ITSN1: variants seen among roughly 807,000 people sequenced by gnomAD.
ITSN1 encodes the protein intersectin-1.
In ITSN1, 58 loss-of-function variants were observed where a neutral mutation model predicts 239.8. That is an observed-to-expected ratio of 0.24 (90% CI 0.20 to 0.30). ITSN1 has a LOEUF of 0.30. Ranked by LOEUF, ITSN1 falls within the 10% of genes least tolerant of loss-of-function variation. ITSN1 has a pLI of 1.00. For missense variants in ITSN1, 1,558 were observed against 2,103.3 expected (o/e 0.74, Z 5.07); for synonymous variants, 780 against 770.8 (o/e 1.01, Z -0.20).
At chr21:33,815,906 G>T (rs1418310872) in intron 22 of ITSN1, among the ~76,000 whole-genome samples, 1 of 152,032 alleles carries the variant, frequency 6.6e-6, no homozygotes, top group African/African-American at 2.4e-5. Context: ...ATGAAGAATT[G>T]GGCCGGCGCG....
intron 1 of ITSN1, among the ~76,000 whole-genome samples, chr21:33,710,350 G>A (rs1351560160): frequency 2.6e-5 from 4 of 151,846 alleles, no homozygotes; most frequent in Admixed American, 6.6e-5. Flanking sequence ...GATTACAGGC[G>A]TGAGCCACCA....
intron 1 of ITSN1, among the ~76,000 whole-genome samples, chr21:33,700,986 TG>T (rs2091983578): frequency 6.7e-6 from 1 of 150,080 alleles, no homozygotes; most frequent in Non-Finnish European, 1.5e-5. Flanking sequence ...TGTGTGTGTG[TG>T]TGTTTTCTTA....
At chr21:33,874,250 G>C (rs1035759526) in intron 33 of ITSN1, among the ~76,000 whole-genome samples, 1 of 150,860 alleles carries the variant, frequency 6.6e-6, no homozygotes, top group Non-Finnish European at 1.5e-5. Context: ...AGGAGGTCCA[G>C]CTCCGGAGCT....
At position 33,698,339 on chromosome 21, in the gene ITSN1, C is replaced by G. The variant is rs139322914; in HGVS notation, c.-32-20458C>G. ...GTGTCTCCTTTTCACCTCCCATCCC[C>G]TGCTGCCACTCCCCCCTAACAACAA... On this transcript the variant is annotated intron_variant, in intron 1 of 39. Transcript: ENST00000381318. Among the ~76,000 whole-genome samples, 110 of 152,294 alleles carry G rather than the reference C, an allele frequency of 7.2e-4. 3 individuals are homozygous for G. The East Asian group carries it at 0.02, about 28-fold the overall frequency.
rs1360956818 is a variant in ITSN1, at chr21:33,895,282, CGT to C, written c.*6983_*6984del. On this transcript the variant is annotated 3_prime_UTR_variant, in exon 40 of 40. Transcript: ENST00000381318. ...GGAGGAGGCCCTGCTCCCCAGCAAGCGTTCTAGGAGTTACGGTGTGCTCTATT... is the reference window on the plus strand; with the variant it reads ...GGAGGAGGCCCTGCTCCCCAGCAAGCTCTAGGAGTTACGGTGTGCTCTATT... 3 of 152,246 alleles carry C rather than the reference CGT, an allele frequency of 2.0e-5. No individual in the cohort carries two copies. Among genetic ancestry groups the C allele is most frequent in the Admixed American group, 6.5e-5 (1 of 15,284 alleles). The allele number at this position is 152,246 out of a possible 1,614,324, so 9.4% of individuals were successfully genotyped here. A position where few individuals can be genotyped will look rare whatever the true frequency, so the allele number is the denominator to read the frequency against.
At chr21:33,762,038 T>G (rs758281317) in intron 9 of ITSN1, 52 bp downstream of exon 9, 3 of 1,312,262 alleles carry the variant, frequency 2.3e-6, no homozygotes, top group Non-Finnish European at 3.3e-6. Context: ...TTGGTTAGAT[T>G]GGTGTGGCCT....
chr21:33,734,917 T>C, intron 4 of ITSN1, 127 bp from the exon 5 acceptor site: 2 of 663,468 alleles, frequency 3.0e-6, no homozygotes, highest in Non-Finnish European at 4.8e-6. Flanking sequence ...TAAACAGTTA[T>C]GTTTTCTGTT....
intron 4 of ITSN1, among the ~76,000 whole-genome samples, chr21:33,726,648 A>T (rs1412303218): frequency 1.3e-5 from 2 of 151,872 alleles, no homozygotes; most frequent in African/African-American, 4.8e-5. Flanking sequence ...CAGCCTCCTG[A>T]GTAGCTGAGT....
intron 4 of ITSN1, among the ~76,000 whole-genome samples, chr21:33,727,607 C>CAAA (rs201596116): frequency 1.3e-4 from 9 of 69,756 alleles, no homozygotes; most frequent in African/African-American, 4.1e-4. Context: ...TAAACTCATA[C>CAAA]AAAAAAAAAA....
intron 17 of ITSN1, among the ~76,000 whole-genome samples, chr21:33,796,978 G>A (rs1035673898): frequency 2.6e-5 from 4 of 152,104 alleles, no homozygotes; most frequent in African/African-American, 9.7e-5. Flanking sequence ...CTTCAGGTTT[G>A]GGGAGCAATG....
At chr21:33,743,191 C>T (rs1387838986) in intron 5 of ITSN1, among the ~76,000 whole-genome samples, 3 of 152,302 alleles carry the variant, frequency 2.0e-5, no homozygotes, top group South Asian at 4.1e-4. Context: ...TGAGGCTGGG[C>T]GCAGTGGCTC....
At chr21:33,658,578 C>T (rs987987478) in intron 1 of ITSN1, among the ~76,000 whole-genome samples, 3 of 152,146 alleles carry the variant, frequency 2.0e-5, no homozygotes, top group African/African-American at 7.2e-5. Context: ...TACGGGACCA[C>T]GATTGTATGT....
chr21:33,698,377 G>A (rs758224474), intron 1 of ITSN1, among the ~76,000 whole-genome samples: 19 of 152,314 alleles, frequency 1.2e-4, no homozygotes, highest in Non-Finnish European at 2.5e-4. Flanking sequence ...GAAATTCTGG[G>A]AGGAATGCCT....
Position 33,888,205 on chromosome 21 carries a change from T to G in ITSN1, c.5071T>G (p.Ser1691Ala). Residue 1691 changes from serine (S) to alanine (A), a missense_variant, in exon 40 of 40, where the codon TCC (serine) becomes GCC (alanine). Ser to Ala is a moderately conservative substitution (Grantham distance 99). This residue lies in a region of ITSN1 where 576 missense variants were observed against 893.3 expected (regional missense o/e 0.64). Coordinates refer to ENST00000381318, the MANE Select transcript of ITSN1 (RefSeq NM_003024.3). ...RVADIKKDQG[S>A]KGPVTKCLLL... ...GGCGGACATCAAGAAAGACCAGGGC[T>G]CCAAAGGTCCAGTTACGAAGTGTCT... 1 of 1,614,040 alleles carries G rather than the reference T, an allele frequency of 6.2e-7. No homozygotes were observed. Among genetic ancestry groups the G allele is most frequent in the Non-Finnish European group, 8.5e-7 (1 of 1,179,998 alleles).
At chr21:33,777,653 G>C (rs1333353078) in intron 14 of ITSN1, among the ~76,000 whole-genome samples, 1 of 152,112 alleles carries the variant, frequency 6.6e-6, no homozygotes, top group Non-Finnish European at 1.5e-5. Context: ...ACTTTGTAAA[G>C]TTTATCCCTA....
At chr21:33,653,801 C>T (rs1310472986) in intron 1 of ITSN1, among the ~76,000 whole-genome samples, 1 of 152,124 alleles carries the variant, frequency 6.6e-6, no homozygotes, top group African/African-American at 2.4e-5. Context: ...GAATTACAGG[C>T]GTGAGCCACT....
chr21:33,712,064 G>T lies in ITSN1; in HGVS notation c.-32-6733G>T, dbSNP rs1160844377. On this transcript the variant is annotated intron_variant, in intron 1 of 39. Coordinates refer to ENST00000381318, the MANE Select transcript of ITSN1 (RefSeq NM_003024.3). The stretch of plus-strand genomic sequence containing the variant: ...GTTTTTCTTTCTCTGCTGATAACTT[G>T]TATCTTTCCATGCATTTGTGTTTGT... Among the ~76,000 whole-genome samples the T allele has an allele frequency of 5.3e-5, 8 of 152,124 alleles. No individual in the cohort carries two copies. The East Asian group carries it at 1.4e-3, about 26-fold the overall frequency.
intron 5 of ITSN1, chr21:33,735,574 T>A: frequency 4.0e-6 from 1 of 251,080 alleles, no homozygotes; most frequent in Non-Finnish European, 7.7e-6. Flanking sequence ...TCCTTGTGCA[T>A]AAACAATTCC....
chr21:33,864,138 G>A (rs141874886), intron 31 of ITSN1, among the ~76,000 whole-genome samples: 5 of 152,128 alleles, frequency 3.3e-5, no homozygotes, highest in South Asian at 2.1e-4. Context: ...TCAATAGCCC[G>A]CCCCGTACCT....
Sources: allele counts gnomAD v4.1 joint callset (sites outside exome capture counted in the v4.1 genomes callset), GRCh38; gene constraint gnomAD v4.1.1; regional missense constraint gnomAD v4.1.1; transcripts MANE v1.5; gene names NCBI Gene and HGNC (gene_info 2026-07-23, HGNC 2026-07-21).